Variants in PDE1A observed in about 807,000 individuals in gnomAD.
PDE1A encodes dual specificity calcium/calmodulin-dependent 3',5'-cyclic nucleotide phosphodiesterase 1A.
A neutral mutation model predicts 61.7 loss-of-function variants in PDE1A; 35 were observed. The observed-to-expected ratio is 0.57, with a 90% CI of 0.43 to 0.75. The LOEUF is 0.75. Ranked by LOEUF, PDE1A falls within the 30% of genes least tolerant of loss-of-function variation. PDE1A has a pLI of 0.00. For synonymous variants in PDE1A, 232 were observed against 213.2 expected (o/e 1.09, Z -0.77); for missense variants, 597 against 630.6 (o/e 0.95, Z 0.57).
At chr2:182,645,849 T>G in the PDE1A span, among the ~76,000 whole-genome samples, 1 of 152,186 alleles carries the variant, frequency 6.6e-6, no homozygotes, top group African/African-American at 2.4e-5. Flanking sequence ...GTTTTAAATA[T>G]TACCTCCCTC....
the PDE1A span, among the ~76,000 whole-genome samples, chr2:182,637,396 T>C: frequency 0.014 from 2,137 of 152,320 alleles, 30 homozygotes; most frequent in Middle Eastern, 0.027. Flanking sequence ...TAGTGGCTAA[T>C]CCATACAGAT....
At chr2:182,297,285 T>G (rs1482515879) in intron 1 of PDE1A, among the ~76,000 whole-genome samples, 2 of 29,304 alleles carry the variant, frequency 6.8e-5, no homozygotes, top group African/African-American at 4.3e-4. Context: ...TTCCCATTAG[T>G]GAAAAAAAAA....
chr2:182,473,268 A>G (rs894374577), intron 2 of PDE1A, among the ~76,000 whole-genome samples: 2 of 152,106 alleles, frequency 1.3e-5, no homozygotes, highest in Admixed American at 6.6e-5. Context: ...AAAAGCCAAA[A>G]TTGACAAATG....
chr2:182,240,208 G>A, exon 3 of PDE1A: 2 of 1,613,800 alleles, frequency 1.2e-6, no homozygotes, highest in Non-Finnish European at 1.7e-6. Flanking sequence ...TCCGTGTAAA[G>A]GTAGAAGCCA....
intron 1 of PDE1A, among the ~76,000 whole-genome samples, chr2:182,371,053 G>T (rs1700102502): frequency 6.6e-6 from 1 of 152,114 alleles, no homozygotes; most frequent in South Asian, 2.1e-4. Flanking sequence ...TTTTCCCAGA[G>T]GTATAGGCTA....
At chr2:182,552,520 C>T in the PDE1A span, among the ~76,000 whole-genome samples, 1 of 147,240 alleles carries the variant, frequency 6.8e-6, no homozygotes. Flanking sequence ...TCTCGGCTCA[C>T]TGCAACTGAG....
chr2:182,274,243 C>T (rs2125827214), intron 1 of PDE1A, among the ~76,000 whole-genome samples: 1 of 152,148 alleles, frequency 6.6e-6, no homozygotes, highest in South Asian at 2.1e-4. Flanking sequence ...TATCAAATGG[C>T]TTGGGATATT....
At chr2:182,653,692 T>A in the PDE1A span, among the ~76,000 whole-genome samples, 3 of 152,194 alleles carry the variant, frequency 2.0e-5, no homozygotes, top group East Asian at 5.8e-4. Context: ...GATTACTTAA[T>A]CTCCTTGAGG....
At chr2:182,186,181 T>C (rs575711781) in intron 12 of PDE1A, 102 bp from the exon 13 acceptor site, 3 of 1,237,428 alleles carry the variant, frequency 2.4e-6, no homozygotes, top group Admixed American at 2.4e-5. Context: ...AGCAGGATAG[T>C]AGATGCTCAG....
chr2:182,367,607 T>C (rs1699908265), intron 1 of PDE1A, among the ~76,000 whole-genome samples: 1 of 152,092 alleles, frequency 6.6e-6, no homozygotes, highest in African/African-American at 2.4e-5. Context: ...CAAATTAATG[T>C]GGCAATGTAG....
intron 1 of PDE1A, among the ~76,000 whole-genome samples, chr2:182,396,481 T>C (rs573318690): frequency 2.2e-4 from 34 of 152,258 alleles, no homozygotes; most frequent in Non-Finnish European, 4.4e-4. Flanking sequence ...TAGTCATTAA[T>C]ACCAGCTACG....
At chr2:182,388,334 T>C (rs530160598) in intron 1 of PDE1A, among the ~76,000 whole-genome samples, 26 of 152,262 alleles carry the variant, frequency 1.7e-4, no homozygotes, top group Non-Finnish European at 3.5e-4. Context: ...GCATAACAGA[T>C]ATATACAGAA....
chr2:182,670,166 G>A, the PDE1A span, among the ~76,000 whole-genome samples: 3 of 152,158 alleles, frequency 2.0e-5, no homozygotes, highest in African/African-American at 7.2e-5. Context: ...TGTCTCGTTT[G>A]CTGGCTCTGG....
At chr2:182,339,207 T>C (rs2125023023) in intron 1 of PDE1A, among the ~76,000 whole-genome samples, 1 of 152,276 alleles carries the variant, frequency 6.6e-6, no homozygotes, top group Admixed American at 6.5e-5. Context: ...TAGAACCACT[T>C]CCACTTGTTT....
chr2:182,381,522 C>T (rs868275935), intron 1 of PDE1A, among the ~76,000 whole-genome samples: 5 of 152,030 alleles, frequency 3.3e-5, no homozygotes, highest in African/African-American at 4.8e-5. Context: ...TGCTTATAAA[C>T]GTTATATTAG....
At chr2:182,692,001 G>A in the PDE1A span, among the ~76,000 whole-genome samples, 10 of 152,188 alleles carry the variant, frequency 6.6e-5, no homozygotes, top group East Asian at 1.9e-4. Context: ...TTAGAATGGC[G>A]ATCATTAAAA....
intron 2 of PDE1A, among the ~76,000 whole-genome samples, chr2:182,453,211 A>G (rs1218363750): frequency 6.6e-6 from 1 of 152,074 alleles, no homozygotes; most frequent in Non-Finnish European, 1.5e-5. Context: ...AAGACTCCTC[A>G]TTAGGGTAAT....
intron 2 of PDE1A, among the ~76,000 whole-genome samples, chr2:182,503,313 T>G (rs1335490090): frequency 6.6e-6 from 1 of 152,178 alleles, no homozygotes; most frequent in Non-Finnish European, 1.5e-5. Flanking sequence ...CTTCTTAGCT[T>G]TATTTTCCAC....
intron 1 of PDE1A, among the ~76,000 whole-genome samples, chr2:182,283,597 G>A (rs1206609141): frequency 6.6e-6 from 1 of 151,720 alleles, no homozygotes; most frequent in Non-Finnish European, 1.5e-5. Context: ...TTTTAGCTCA[G>A]AAAAAAATGA....
Sources: allele counts gnomAD v4.1 joint callset (sites outside exome capture counted in the v4.1 genomes callset), GRCh38; gene constraint gnomAD v4.1.1; transcripts MANE v1.5; gene names NCBI Gene and HGNC (gene_info 2026-07-23, HGNC 2026-07-21).